The following RXFP1 variants were observed in gnomAD, a reference collection of about 807,000 sequenced individuals.
RXFP1 encodes the protein relaxin receptor 1.
RXFP1 carries 73 observed loss-of-function variants against 89.8 expected under a neutral mutation model. That is an observed-to-expected ratio of 0.81 (90% confidence interval 0.67 to 0.99). The LOEUF (loss-of-function observed/expected upper bound fraction) is 0.99. Among genes scored for constraint, RXFP1 ranks in the 50% least tolerant of loss-of-function variants. The pLI, the probability that RXFP1 is intolerant of heterozygous loss-of-function variation, is 0.00. For missense variants in RXFP1, 793 were observed against 895.5 expected, an observed-to-expected ratio of 0.89 and a Z score of 1.46; for synonymous variants, 277 against 305.5, an observed-to-expected ratio of 0.91 and a Z score of 0.97.
chr4:158,599,096 C>T (rs76514798), intron 3 of RXFP1: 2 of 505,108 alleles, frequency 4.0e-6, no homozygotes, highest in East Asian at 3.0e-5. Context: ...TAAAAAAATA[C>T]ATGAGCTAGT....
At chr4:158,543,242 G>A (rs958567651) in intron 1 of RXFP1, among the ~76,000 whole-genome samples, 1 of 152,144 alleles carries the variant, frequency 6.6e-6, no homozygotes, top group Non-Finnish European at 1.5e-5. Context: ...TCAGGCACTG[G>A]TTTTTATGTT....
intron 2 of RXFP1, among the ~76,000 whole-genome samples, chr4:158,582,619 C>T (rs897806015): frequency 6.6e-6 from 1 of 152,190 alleles, no homozygotes; most frequent in Non-Finnish European, 1.5e-5. Context: ...TTTTCATGCT[C>T]ATATTTAGGT....
intron 16 of RXFP1, among the ~76,000 whole-genome samples, chr4:158,647,590 C>T (rs746489334): frequency 3.3e-5 from 5 of 152,154 alleles, no homozygotes; most frequent in African/African-American, 4.8e-5. Context: ...AATCACTAGG[C>T]CAGGCACAAT....
chr4:158,527,564 A>AAATATATATATATAT (rs5741905), intron 1 of RXFP1, among the ~76,000 whole-genome samples: 59 of 98,328 alleles, frequency 6.0e-4, no homozygotes, highest in South Asian at 8.4e-4. Context: ...AAAAAAAAAA[A>AAATATATATATATAT]ATATATATAT....
chr4:158,633,540 A>G, intron 12 of RXFP1, 64 bp downstream of exon 12: 1 of 1,042,144 alleles, frequency 9.6e-7, no homozygotes, highest in Non-Finnish European at 1.4e-6. Context: ...ATTGTAAAAT[A>G]TGCATAACAT....
chr4:158,623,824 T>C (rs939147571), intron 9 of RXFP1, among the ~76,000 whole-genome samples: 1 of 152,194 alleles, frequency 6.6e-6, no homozygotes, highest in Non-Finnish European at 1.5e-5. Flanking sequence ...TTTCCTTCTT[T>C]ATCCAGAAAA....
chr4:158,653,337 C>A lies in RXFP1; in HGVS notation c.*1282C>A, dbSNP rs986668895. On this transcript the variant is annotated 3_prime_UTR_variant, in exon 18 of 18. Transcript: ENST00000307765. ...GAATATATAGTTGTATAGATTTGTT[C>A]TGAAAATAAATTATCTGAAATTTAA... is the stretch of plus-strand genomic sequence containing the variant. 2 of 152,118 alleles carry A rather than the reference C, an allele frequency of 1.3e-5. No individual in the cohort carries two copies. The highest frequency in any genetic ancestry group is 6.5e-5 in the Admixed American group (1 of 15,276). The allele number at this position is 152,118 out of a possible 1,614,324, so 9.4% of individuals were successfully genotyped here. A position where few individuals can be genotyped will look rare whatever the true frequency, so the allele number is the denominator to read the frequency against.
At chr4:158,626,306 A>G (rs1353729077) in intron 9 of RXFP1, among the ~76,000 whole-genome samples, 1 of 152,092 alleles carries the variant, frequency 6.6e-6, no homozygotes, top group East Asian at 1.9e-4. Context: ...CCCAATAGTA[A>G]AAGATTATTG....
intron 1 of RXFP1, among the ~76,000 whole-genome samples, chr4:158,534,702 A>G (rs1744869979): frequency 6.6e-6 from 1 of 152,012 alleles, no homozygotes; most frequent in African/African-American, 2.4e-5. Flanking sequence ...TCACCTTTCC[A>G]GAATGAAGAG....
At chr4:158,566,167 C>A (rs1407414820) in intron 1 of RXFP1, among the ~76,000 whole-genome samples, 3 of 152,278 alleles carry the variant, frequency 2.0e-5, no homozygotes, top group Admixed American at 1.3e-4. Context: ...GTGGTAGTAA[C>A]AACTCCATGT....
chr4:158,629,508 G>A (rs114454799), intron 11 of RXFP1, among the ~76,000 whole-genome samples: 44 of 152,270 alleles, frequency 2.9e-4, no homozygotes, highest in African/African-American at 8.2e-4. Flanking sequence ...ACCAAAGCCC[G>A]TGGTCTAAGT....
intron 3 of RXFP1, among the ~76,000 whole-genome samples, chr4:158,596,275 T>TC (rs1760579315): frequency 6.6e-6 from 1 of 151,062 alleles, no homozygotes; most frequent in Non-Finnish European, 1.5e-5. Flanking sequence ...ATTTTTTTTT[T>TC]TTTTTGAGAT....
At chr4:158,527,564 A>AATATATATATATATATATATATATAT (rs1553989424) in intron 1 of RXFP1, among the ~76,000 whole-genome samples, 12 of 98,326 alleles carry the variant, frequency 1.2e-4, no homozygotes, top group African/African-American at 4.2e-4. Context: ...AAAAAAAAAA[A>AATATATATATATATATATATATATAT]ATATATATAT....
chr4:158,544,973 T>A (rs1397038610), intron 1 of RXFP1, among the ~76,000 whole-genome samples: 2 of 152,004 alleles, frequency 1.3e-5, no homozygotes, highest in East Asian at 3.9e-4. Context: ...AGTAATGGGA[T>A]GGCTGGGTCA....
chr4:158,573,243 C>T (rs1275653247), intron 2 of RXFP1, among the ~76,000 whole-genome samples: 1 of 152,112 alleles, frequency 6.6e-6, no homozygotes, highest in East Asian at 1.9e-4. Flanking sequence ...CTCCTAACCT[C>T]GTGATCCACC....
At chr4:158,593,607 G>A in intron 3 of RXFP1, 108 bp downstream of exon 3, 1 of 588,958 alleles carries the variant, frequency 1.7e-6, no homozygotes, top group South Asian at 3.6e-5. Flanking sequence ...CTGGAAATCA[G>A]TTTTAATTAA....
chr4:158,628,190 G>T (rs1449819552), intron 10 of RXFP1, among the ~76,000 whole-genome samples: 4 of 152,144 alleles, frequency 2.6e-5, no homozygotes, highest in Non-Finnish European at 4.4e-5. Context: ...TTCTTCTAAA[G>T]GGGTTCAGCT....
At chr4:158,644,824 C>A in intron 14 of RXFP1, 85 bp from the exon 15 acceptor site, 1 of 903,986 alleles carries the variant, frequency 1.1e-6, no homozygotes, top group Non-Finnish European at 1.7e-6. Context: ...TTCTTTCTAC[C>A]GATAAAATGT....
chr4:158,617,259 T>A, intron 9 of RXFP1, 54 bp downstream of exon 9: 1 of 1,279,198 alleles, frequency 7.8e-7, no homozygotes, highest in Non-Finnish European at 1.1e-6. Flanking sequence ...TGTTTTTACC[T>A]AATTCATTCC....
Sources: allele counts gnomAD v4.1 joint callset (sites outside exome capture counted in the v4.1 genomes callset), GRCh38; gene constraint gnomAD v4.1.1; transcripts MANE v1.5; gene names NCBI Gene and HGNC (gene_info 2026-07-23, HGNC 2026-07-21).